The following IQCM variants were observed in gnomAD, a reference collection of about 807,000 sequenced individuals.
The protein encoded by IQCM is IQ domain-containing protein M.
A neutral mutation model predicts 57.6 loss-of-function variants in IQCM; 45 were observed. The ratio of observed to expected loss-of-function variants is 0.78; its 90% CI spans 0.62 to 1.00. IQCM has a LOEUF of 1.00. Ranked by LOEUF, IQCM falls within the 50% of genes least tolerant of loss-of-function variation. The probability of loss-of-function intolerance (pLI) is 0.00; values close to 1 mark genes in which losing one functional copy is unlikely to be tolerated. For synonymous variants in IQCM, 148 were observed against 158.9 expected, an observed-to-expected ratio of 0.93 and a Z score of 0.51; for missense variants, 468 against 511.6, an observed-to-expected ratio of 0.91 and a Z score of 0.82.
rs534323717 is a variant in IQCM at position 149,791,710 on chromosome 4, A to T, written c.-49+23601T>A. 6.6e-5 allele frequency among the ~76,000 whole-genome samples: 10 copies of T among 152,274 alleles called. 1 individual carries two copies. The East Asian group carries it at 1.9e-3, about 29-fold the overall frequency. On this transcript the variant is annotated intron_variant, in intron 2 of 13. Coordinates refer to ENST00000636793, the MANE Select transcript of IQCM (RefSeq NM_001363507.2). ...CTAAAAGGTTTATTGTGCATAAGTA[A>T]CATAACCATACTTCATATAATGTCC...
intron 13 of IQCM, among the ~76,000 whole-genome samples, chr4:149,402,329 G>T (rs1472121225): frequency 6.6e-6 from 1 of 151,642 alleles, no homozygotes; most frequent in Admixed American, 6.6e-5. Context: ...AGTGATGGGG[G>T]CCTAAGGTCA....
chr4:149,367,434 T>C (rs1336639903), intron 13 of IQCM, among the ~76,000 whole-genome samples: 1 of 152,000 alleles, frequency 6.6e-6, no homozygotes, highest in Admixed American at 6.6e-5. Context: ...AATTATATCA[T>C]ACTATTCACA....
At chr4:149,775,064 T>G (rs1168521886) in intron 2 of IQCM, among the ~76,000 whole-genome samples, 1 of 124,036 alleles carries the variant, frequency 8.1e-6, no homozygotes, top group Non-Finnish European at 1.7e-5. Flanking sequence ...AAAAAAAAAA[T>G]CCAAGTTACT....
intron 13 of IQCM, among the ~76,000 whole-genome samples, chr4:149,418,403 C>G (rs1337681812): frequency 6.6e-6 from 1 of 152,020 alleles, no homozygotes; most frequent in Non-Finnish European, 1.5e-5. Flanking sequence ...GAAGTTGAAT[C>G]CCTGAATAGA....
At chr4:149,593,627 T>C (rs1260037195) in intron 8 of IQCM, among the ~76,000 whole-genome samples, 2 of 152,120 alleles carry the variant, frequency 1.3e-5, no homozygotes, top group South Asian at 4.1e-4. Context: ...TTGAGATATG[T>C]CCCATCAATA....
At chr4:149,680,846 T>C (rs1762124320) in intron 7 of IQCM, among the ~76,000 whole-genome samples, 2 of 150,094 alleles carry the variant, frequency 1.3e-5, no homozygotes, top group Admixed American at 1.3e-4. Flanking sequence ...TTTCTACTCT[T>C]GTTTAGCATT....
chr4:149,565,200 C>CAG (rs1255498327), intron 9 of IQCM, among the ~76,000 whole-genome samples: 1 of 152,158 alleles, frequency 6.6e-6, no homozygotes, highest in Non-Finnish European at 1.5e-5. Context: ...CTCTGAATCC[C>CAG]AGACCCAAGT....
At chr4:149,748,524 T>C (rs1239249977) in intron 2 of IQCM, among the ~76,000 whole-genome samples, 1 of 152,222 alleles carries the variant, frequency 6.6e-6, no homozygotes, top group Non-Finnish European at 1.5e-5. Context: ...ACTCTTTTTT[T>C]CACCTTTTGA....
chr4:149,542,968 A>C (rs1028958169), intron 12 of IQCM, among the ~76,000 whole-genome samples: 4 of 152,096 alleles, frequency 2.6e-5, no homozygotes, highest in Non-Finnish European at 5.9e-5. Context: ...AAGCCCAGGC[A>C]AGCTAACCCC....
chr4:149,432,570 A>G (rs1734971634), intron 13 of IQCM, among the ~76,000 whole-genome samples: 1 of 151,978 alleles, frequency 6.6e-6, no homozygotes, highest in Non-Finnish European at 1.5e-5. Flanking sequence ...TATTACTACA[A>G]TCCAGGCCAA....
intron 2 of IQCM, among the ~76,000 whole-genome samples, chr4:149,745,047 G>A (rs886443474): frequency 1.3e-5 from 2 of 152,154 alleles, no homozygotes; most frequent in African/African-American, 4.8e-5. Context: ...CTGGAAGGGT[G>A]AGCACAGGGT....
At chr4:149,374,360 T>C (rs534310391) in intron 13 of IQCM, among the ~76,000 whole-genome samples, 2 of 152,156 alleles carry the variant, frequency 1.3e-5, no homozygotes, top group Non-Finnish European at 2.9e-5. Context: ...ACTGCATTAG[T>C]GCTGCCTGAT....
At chr4:149,524,485 T>C (rs778676332) in intron 12 of IQCM, among the ~76,000 whole-genome samples, 159 of 151,938 alleles carry the variant, frequency 1.0e-3, no homozygotes, top group Non-Finnish European at 1.8e-3. Flanking sequence ...TAGAACTCTC[T>C]TAGAGAAGAG....
chr4:149,722,059 C>A (rs1765494867), intron 5 of IQCM, among the ~76,000 whole-genome samples: 1 of 151,824 alleles, frequency 6.6e-6, no homozygotes, highest in Non-Finnish European at 1.5e-5. Context: ...ATGGAGAATT[C>A]TTCATATGTT....
chr4:149,756,988 G>A (rs1163937270), intron 2 of IQCM, among the ~76,000 whole-genome samples: 1 of 152,240 alleles, frequency 6.6e-6, no homozygotes, highest in African/African-American at 2.4e-5. Flanking sequence ...GCCGGGTGTG[G>A]TGGCTCACGC....
At chr4:149,374,690 C>T (rs1730586061) in intron 13 of IQCM, among the ~76,000 whole-genome samples, 5 of 152,102 alleles carry the variant, frequency 3.3e-5, no homozygotes. Flanking sequence ...TGTTTGCTTT[C>T]CTGTTTTCTG....
At chr4:149,511,754 C>T (rs1744449688) in intron 12 of IQCM, among the ~76,000 whole-genome samples, 2 of 152,004 alleles carry the variant, frequency 1.3e-5, no homozygotes, top group African/African-American at 4.8e-5. Flanking sequence ...TATCCTCTTT[C>T]CTTTGTATTT....
chr4:149,782,352 T>G (rs1771681785), intron 2 of IQCM, among the ~76,000 whole-genome samples: 1 of 152,152 alleles, frequency 6.6e-6, no homozygotes. Flanking sequence ...AAAATATTTT[T>G]CACACTAAAT....
chr4:149,365,814 C>T (rs937069615), intron 13 of IQCM, among the ~76,000 whole-genome samples: 1 of 151,862 alleles, frequency 6.6e-6, no homozygotes, highest in African/African-American at 2.4e-5. Context: ...GTCATGAATA[C>T]AAGGAAATAA....
Sources: gnomAD v4.1 joint callset for allele counts (sites outside exome capture counted in the v4.1 genomes callset) on GRCh38, gnomAD v4.1.1 for gene constraint, MANE v1.5 for transcripts, NCBI Gene and HGNC (gene_info 2026-07-23, HGNC 2026-07-21) for gene names.